Variants in PDE11A observed in about 807,000 individuals in gnomAD.
The protein encoded by PDE11A is phosphodiesterase 11A.
PDE11A carries 100 observed loss-of-function variants against 100.5 expected under a neutral mutation model. The ratio of observed to expected loss-of-function variants is 1.00; its 90% CI spans 0.85 to 1.18. The LOEUF is 1.18. Ranked by LOEUF, PDE11A falls within the 50% of genes most tolerant of loss-of-function variation. The pLI is 0.00. For synonymous variants in PDE11A, 381 were observed against 420.8 expected, an observed-to-expected ratio of 0.91 and a Z score of 1.16; for missense variants, 1,141 against 1,152.6, an observed-to-expected ratio of 0.99 and a Z score of 0.15.
chr2:178,011,496 G>A (rs897675755), intron 2 of PDE11A, among the ~76,000 whole-genome samples: 2 of 152,170 alleles, frequency 1.3e-5, no homozygotes, highest in African/African-American at 2.4e-5. Context: ...TACATAGGGC[G>A]AGGTATAGGG....
chr2:177,904,556 C>CTTT (rs11333208), intron 3 of PDE11A, among the ~76,000 whole-genome samples: 1 of 133,108 alleles, frequency 7.5e-6, no homozygotes, highest in Non-Finnish European at 1.6e-5. Context: ...TATTAATCTC[C>CTTT]TTTTTTTTTT....
At chr2:177,656,899 A>G (rs967255175) in intron 19 of PDE11A, among the ~76,000 whole-genome samples, 6 of 152,178 alleles carry the variant, frequency 3.9e-5, no homozygotes, top group Admixed American at 2.0e-4. Flanking sequence ...GTGTCTGGTA[A>G]GGAAGTGGGC....
chr2:178,017,142 A>C (rs780621267), intron 1 of PDE11A, among the ~76,000 whole-genome samples: 2 of 152,280 alleles, frequency 1.3e-5, no homozygotes. Flanking sequence ...TTTTGAAAAG[A>C]TTGCATTGCA....
In PDE11A at chr2:177,861,601, C is replaced by G. The variant is rs150509041; in HGVS notation, c.1367+14258G>C. Among the ~76,000 whole-genome samples the G allele has an allele frequency of 1.1e-3, 161 of 151,816 alleles. 2 individuals carry two copies. The highest frequency in any genetic ancestry group is 3.5e-3 in the African/African-American group (147 of 41,474). ...AAAATTAATATGGACATACAAGAGA[C>G]CTAAAATAGTCAAAATGATCTTCAA... On this transcript the variant is annotated intron_variant, in intron 5 of 19. Transcript: ENST00000286063.
intron 1 of PDE11A, among the ~76,000 whole-genome samples, chr2:178,042,010 A>G (rs993964698): frequency 7.9e-5 from 12 of 152,250 alleles, no homozygotes; most frequent in Non-Finnish European, 1.2e-4. Flanking sequence ...AAAAAATTGT[A>G]AAGGCATGGT....
intron 2 of PDE11A, chr2:177,953,042 T>C (rs2085522469): frequency 6.6e-6 from 1 of 152,222 alleles, no homozygotes; most frequent in Non-Finnish European, 1.5e-5. Context: ...AGTATGTTAG[T>C]TTGGCTTAAA....
intron 12 of PDE11A, among the ~76,000 whole-genome samples, chr2:177,719,472 G>A (rs899200454): frequency 6.6e-6 from 1 of 151,484 alleles, no homozygotes; most frequent in Non-Finnish European, 1.5e-5. Context: ...AGATTTTGGA[G>A]AGTCTTTCTT....
At chr2:177,855,458 C>T (rs2083815238) in intron 5 of PDE11A, among the ~76,000 whole-genome samples, 1 of 152,018 alleles carries the variant, frequency 6.6e-6, no homozygotes, top group South Asian at 2.1e-4. Context: ...GTAGTTGAAT[C>T]TCAGGAAAAA....
At chr2:177,820,966 G>A (rs1028520709) in intron 6 of PDE11A, among the ~76,000 whole-genome samples, 1 of 151,882 alleles carries the variant, frequency 6.6e-6, no homozygotes, top group African/African-American at 2.4e-5. Flanking sequence ...AATGGTTAGA[G>A]AGAAACCACT....
chr2:177,947,280 T>C (rs897070611), intron 2 of PDE11A, among the ~76,000 whole-genome samples: 3 of 142,000 alleles, frequency 2.1e-5, no homozygotes, highest in Admixed American at 6.9e-5. Flanking sequence ...CAACAGCTCA[T>C]TGAGAACGGG....
chr2:177,938,483 G>A (rs2085305348), intron 2 of PDE11A, among the ~76,000 whole-genome samples: 1 of 152,128 alleles, frequency 6.6e-6, no homozygotes, highest in Non-Finnish European at 1.5e-5. Context: ...TAATTAGTGA[G>A]AACCATCCTC....
intron 2 of PDE11A, among the ~76,000 whole-genome samples, chr2:177,933,068 CCACACACA>C (rs58818826): frequency 6.8e-6 from 1 of 146,898 alleles, no homozygotes; most frequent in Non-Finnish European, 1.5e-5. Context: ...TTTACAATAG[CCACACACA>C]CACACACACA....
chr2:177,724,272 A>C (rs988205658), intron 12 of PDE11A, among the ~76,000 whole-genome samples: 7 of 152,138 alleles, frequency 4.6e-5, no homozygotes, highest in African/African-American at 9.7e-5. Context: ...GTTCCCAGTG[A>C]ATAAAATGTT....
At chr2:178,093,840 T>C (rs2087453329) in intron 2 of PDE11A, among the ~76,000 whole-genome samples, 1 of 152,272 alleles carries the variant, frequency 6.6e-6, no homozygotes, top group Middle Eastern at 3.4e-3. Flanking sequence ...AACATAAATA[T>C]GTCCTCTTTG....
rs545858335 is a variant in PDE11A, at chr2:178,086,972, T to C, written c.162+17330A>G. Among the ~76,000 whole-genome samples the C allele has an allele frequency of 5.9e-5, 9 of 152,312 alleles. No individual in the cohort carries two copies. The South Asian group carries it at 1.9e-3, about 32-fold the overall frequency. On this transcript the variant is annotated intron_variant, in intron 2 of 20. Coordinates refer to the PDE11A transcript ENST00000358450. ...TAATTGTAACAAGAAGAAACCTGCA[T>C]CTGTATGTTTATCACAGCACTATTA...
chr2:178,102,203 C>T (rs891423348), intron 2 of PDE11A, among the ~76,000 whole-genome samples: 3 of 151,674 alleles, frequency 2.0e-5, no homozygotes, highest in African/African-American at 7.3e-5. Flanking sequence ...CTTGGCTCAT[C>T]ACAACCTCTG....
At chr2:177,834,225 G>C (rs2105610277) in intron 6 of PDE11A, among the ~76,000 whole-genome samples, 1 of 152,282 alleles carries the variant, frequency 6.6e-6, no homozygotes, top group East Asian at 1.9e-4. Context: ...CATCATTTTG[G>C]TGGCCTCTAC....
At position 177,627,689 on chromosome 2, in the gene PDE11A, T is replaced by C. The variant is rs1381725429; in HGVS notation, c.*1718A>G. On this transcript the variant is annotated 3_prime_UTR_variant, in exon 20 of 20. Coordinates refer to ENST00000286063, the MANE Select transcript of PDE11A (RefSeq NM_016953.4). ...GGTGAAACCCTGTGTCTACTAAAAG[T>C]ACAAAAATTAGCCAGGCGTGGTGGC... The C allele has an allele frequency of 2.6e-5, 4 of 151,970 alleles. No individual in the cohort carries two copies. The highest frequency in any genetic ancestry group is 4.4e-5 in the Non-Finnish European group (3 of 68,006). 9.4% of individuals were successfully genotyped at this position (151,970 alleles called of 1,614,324 possible). A position where few individuals can be genotyped will look rare whatever the true frequency, so the allele number is the denominator to read the frequency against.
chr2:177,836,852 G>A (rs1301198614), intron 6 of PDE11A, among the ~76,000 whole-genome samples: 2 of 152,164 alleles, frequency 1.3e-5, no homozygotes, highest in African/African-American at 4.8e-5. Context: ...CACTCCTGAA[G>A]CCAGCGAGAC....
Sources: gnomAD v4.1 joint callset for allele counts (sites outside exome capture counted in the v4.1 genomes callset) on GRCh38, gnomAD v4.1.1 for gene constraint, MANE v1.5 for transcripts, NCBI Gene and HGNC (gene_info 2026-07-23, HGNC 2026-07-21) for gene names.